CFAP299: variants seen among roughly 807,000 people sequenced by gnomAD.
The protein encoded by CFAP299 is cilia- and flagella-associated protein 299.
A neutral mutation model predicts 27.0 loss-of-function variants in CFAP299; 21 were observed. The observed-to-expected ratio is 0.78, with a 90% CI of 0.55 to 1.12. CFAP299 has a LOEUF of 1.12. Among genes scored for constraint, CFAP299 ranks in the 50% most tolerant of loss-of-function variants. CFAP299 has a pLI of 0.00. For synonymous variants in CFAP299, 104 were observed against 98.1 expected (o/e 1.06, Z -0.36); for missense variants, 310 against 276.6 (o/e 1.12, Z -0.86).
At chr4:80,871,202 TG>T (rs1733077924) in intron 4 of CFAP299, 1 of 985,394 alleles carries the variant, frequency 1.0e-6, no homozygotes, top group African/African-American at 1.7e-5. Flanking sequence ...CCACCGAGCC[TG>T]ACTCCCATCT....
chr4:80,392,447 G>A (rs1725536079), intron 2 of CFAP299, among the ~76,000 whole-genome samples: 1 of 152,182 alleles, frequency 6.6e-6, no homozygotes, highest in Non-Finnish European at 1.5e-5. Context: ...ATGTGTTGGA[G>A]GTGGGATCTT....
intron 3 of CFAP299, among the ~76,000 whole-genome samples, chr4:80,602,706 A>G (rs1163745237): frequency 6.6e-6 from 1 of 152,130 alleles, no homozygotes; most frequent in Non-Finnish European, 1.5e-5. Flanking sequence ...TTAGTTTAAC[A>G]GAAGGACAGC....
intron 3 of CFAP299, among the ~76,000 whole-genome samples, chr4:80,759,006 A>C (rs1725406912): frequency 6.6e-6 from 1 of 152,186 alleles, no homozygotes; most frequent in African/African-American, 2.4e-5. Flanking sequence ...GTGAAGTTCA[A>C]ATTATTTCAA....
chr4:80,446,988 A>G (rs879771065), intron 2 of CFAP299, among the ~76,000 whole-genome samples: 1 of 152,048 alleles, frequency 6.6e-6, no homozygotes, highest in Non-Finnish European at 1.5e-5. Flanking sequence ...CAATCAACAA[A>G]ACTATTCACC....
intron 3 of CFAP299, among the ~76,000 whole-genome samples, chr4:80,733,395 G>A (rs1168603972): frequency 6.6e-6 from 1 of 152,030 alleles, no homozygotes; most frequent in Non-Finnish European, 1.5e-5. Flanking sequence ...GGTATGCAAT[G>A]CATAATAATC....
intron 2 of CFAP299, among the ~76,000 whole-genome samples, chr4:80,421,498 T>G (rs893731632): frequency 3.3e-5 from 5 of 152,232 alleles, no homozygotes; most frequent in African/African-American, 1.2e-4. Context: ...TAGAATTATT[T>G]AGAATAATTA....
chr4:80,799,585 T>TA lies in CFAP299; in HGVS notation c.334-70407dup, dbSNP rs1477123210. Among the ~76,000 whole-genome samples the TA allele has an allele frequency of 4.9e-4, 36 of 72,750 alleles. 6 individuals carry two copies. The South Asian group carries it at 5.0e-3, about 10-fold the overall frequency. The allele number at this position is 72,750 out of a possible 152,430, so 47.7% of individuals were successfully genotyped here. A position where few individuals can be genotyped will look rare whatever the true frequency, so the allele number is the denominator to read the frequency against. ...AATAAATATATATATTTATAAAATA[T>TA]ATTATATAAAATATATATTTTATAT... On this transcript the variant is annotated intron_variant, in intron 3 of 5. Coordinates refer to ENST00000358105, the MANE Select transcript of CFAP299 (RefSeq NM_152770.3).
intron 2 of CFAP299, among the ~76,000 whole-genome samples, chr4:80,392,558 C>T (rs1036943394): frequency 2.0e-5 from 3 of 152,040 alleles, no homozygotes; most frequent in Non-Finnish European, 2.9e-5. Context: ...GGGCTTTTCC[C>T]TGCCTTCACT....
intron 3 of CFAP299, among the ~76,000 whole-genome samples, chr4:80,786,339 T>C (rs1012344467): frequency 6.6e-6 from 1 of 152,074 alleles, no homozygotes; most frequent in African/African-American, 2.4e-5. Context: ...CTTTGGCTAT[T>C]TGATGTAGCA....
chr4:80,386,402 C>G, intron 2 of CFAP299: 1 of 1,539,122 alleles, frequency 6.5e-7, no homozygotes, highest in Non-Finnish European at 8.8e-7. Context: ...CCAGACCAGC[C>G]CCTGTGTCCT....
chr4:80,880,805 T>A (rs1733664356), intron 4 of CFAP299, among the ~76,000 whole-genome samples: 1 of 152,120 alleles, frequency 6.6e-6, no homozygotes, highest in South Asian at 2.1e-4. Context: ...TTTATCCATG[T>A]GGGTTCTTCC....
At chr4:80,771,842 C>G (rs1389862559) in intron 3 of CFAP299, among the ~76,000 whole-genome samples, 2 of 152,218 alleles carry the variant, frequency 1.3e-5, no homozygotes, top group Non-Finnish European at 1.5e-5. Flanking sequence ...TTGATTTCCT[C>G]TTACATCCCA....
At chr4:80,667,387 T>C (rs909192114) in intron 3 of CFAP299, among the ~76,000 whole-genome samples, 4 of 152,172 alleles carry the variant, frequency 2.6e-5, no homozygotes, top group African/African-American at 9.6e-5. Flanking sequence ...TACAACAGAT[T>C]ATTATAAACT....
chr4:80,358,506 T>A (rs553710033), intron 1 of CFAP299, among the ~76,000 whole-genome samples: 1 of 152,348 alleles, frequency 6.6e-6, no homozygotes, highest in East Asian at 1.9e-4. Context: ...TTTGTGAATC[T>A]GGGTGCGCCT....
intron 3 of CFAP299, among the ~76,000 whole-genome samples, chr4:80,706,629 T>C (rs1721835913): frequency 6.6e-6 from 1 of 151,870 alleles, no homozygotes; most frequent in African/African-American, 2.4e-5. Flanking sequence ...CAAAAAGTTA[T>C]ATGTGTGTGT....
chr4:80,827,848 A>G (rs1730068935), intron 3 of CFAP299, among the ~76,000 whole-genome samples: 1 of 152,074 alleles, frequency 6.6e-6, no homozygotes, highest in African/African-American at 2.4e-5. Context: ...TAAATTCAGC[A>G]AACTAGCAAG....
rs997920643 is a variant in CFAP299, at chr4:80,534,592, C to G, written c.243-48501C>G. 7.2e-5 allele frequency among the ~76,000 whole-genome samples: 11 copies of G among 151,900 alleles called. No individual in the cohort carries two copies. The South Asian group carries it at 1.5e-3, about 20-fold the overall frequency. Reference sequence around the variant, plus strand: ...AAATGAGAAAACTTAGTGTAGCAGTCAATTGGATATAAAAATAAGATTTTG... The same window carrying G: ...AAATGAGAAAACTTAGTGTAGCAGTGAATTGGATATAAAAATAAGATTTTG... On this transcript the variant is annotated intron_variant, in intron 2 of 5. Coordinates refer to ENST00000358105, the MANE Select transcript of CFAP299 (RefSeq NM_152770.3).
chr4:80,372,320 T>G (rs1329764211), intron 2 of CFAP299, among the ~76,000 whole-genome samples: 1 of 152,154 alleles, frequency 6.6e-6, no homozygotes, highest in African/African-American at 2.4e-5. Flanking sequence ...CCTCCAACAC[T>G]GGGGATTACA....
At chr4:80,866,176 T>C (rs549582030) in intron 3 of CFAP299, among the ~76,000 whole-genome samples, 1 of 148,262 alleles carries the variant, frequency 6.7e-6, no homozygotes, top group African/African-American at 2.4e-5. Context: ...ATTTGTTCTA[T>C]GCAGGTTTGT....
Sources: gnomAD v4.1 joint callset for allele counts (sites outside exome capture counted in the v4.1 genomes callset) on GRCh38, gnomAD v4.1.1 for gene constraint, MANE v1.5 for transcripts, NCBI Gene and HGNC (gene_info 2026-07-23, HGNC 2026-07-21) for gene names.